CYBC1: variants seen among roughly 807,000 people sequenced by gnomAD.
The protein encoded by CYBC1 is essential for reactive oxygen species protein.
A neutral mutation model predicts 21.7 loss-of-function variants in CYBC1; 22 were observed. The observed-to-expected ratio is 1.02, with a 90% CI of 0.73 to 1.45. The LOEUF is 1.45. Among genes scored for constraint, CYBC1 ranks in the 40% most tolerant of loss-of-function variants. CYBC1 has a pLI of 0.00. For missense variants in CYBC1, 237 were observed against 242.1 expected (o/e 0.98, Z 0.14); for synonymous variants, 112 against 98.7 (o/e 1.13, Z -0.80).
At position 82,444,544 on chromosome 17, in the gene CYBC1, T is replaced by C. The variant is rs2054165515; in HGVS notation, c.346A>G (p.Lys116Glu). The stretch of plus-strand genomic sequence containing the variant: ...TAGCCTTTCCCGAAGTACCGGACCT[T>C]CTCCTCCTCCACGCTCACATCACGG... The part of the protein sequence containing the change: ...DVRDVSVEEE[K>E]VRYFGKGYMV... Residue 116 changes from lysine (K) to glutamate (E), a missense_variant, in exon 6 of 7, where the codon AAG becomes GAG. Physicochemically the swap from Lys to Glu is moderately conservative, Grantham distance 56. Transcript: ENST00000306645. 1 of 1,613,392 alleles carries C rather than the reference T, an allele frequency of 6.2e-7. No homozygotes were observed. Among genetic ancestry groups the C allele is most frequent in the African/African-American group, 1.3e-5 (1 of 75,000 alleles).
chr17:82,442,614 C>G lies in CYBC1; in HGVS notation c.*1390G>C, dbSNP rs1346589517. 3 of 1,545,398 alleles carry G rather than the reference C, an allele frequency of 1.9e-6. No individual in the cohort carries two copies. In the Admixed American group the frequency reaches 5.7e-5, roughly 29 times the overall value. On this transcript the variant is annotated 3_prime_UTR_variant, in exon 7 of 7. Coordinates refer to ENST00000306645, the MANE Select transcript of CYBC1 (RefSeq NM_001033046.4). The surrounding 1 kb of genome is among the most constrained non-coding windows in gnomAD (Gnocchi z 6.8). ...GTGATCTGCATGTGTGACACTGATT[C>G]TTTGGAAATAAAGAGTGGAAGCTGC...
intron 2 of CYBC1, chr17:82,448,069 C>T (rs1189242642): frequency 4.1e-6 from 1 of 245,524 alleles, no homozygotes; most frequent in Non-Finnish European, 8.0e-6. Flanking sequence ...AAAGAAATTA[C>T]AACACAGCGT....
intron 3 of CYBC1, chr17:82,447,092 G>A (rs371149578): frequency 6.4e-6 from 2 of 313,062 alleles, no homozygotes; most frequent in South Asian, 6.6e-5. Flanking sequence ...AGTGGCTCAC[G>A]CCTGTAATCC....
intron 3 of CYBC1, 189 bp downstream of exon 3, chr17:82,447,391 C>T (rs2054370372): frequency 4.8e-6 from 3 of 625,466 alleles, no homozygotes. Flanking sequence ...GGGCTGAGCG[C>T]TGGGCAGGAT....
intron 2 of CYBC1, 79 bp from the exon 3 acceptor site, chr17:82,447,700 A>G (rs530934713): frequency 1.5e-6 from 2 of 1,294,546 alleles, no homozygotes; most frequent in Admixed American, 2.0e-5. Flanking sequence ...CAGGAGCCAC[A>G]GCCCCTGATG....
In CYBC1 at chr17:82,442,966, G is replaced by A. The variant is rs2054056299; in HGVS notation, c.*1038C>T. ...AGGATGGTTGGCGTTCAGCTCCTAC[G>A]GGGTGGGGAGAAGTCTGTAGCCGAG... On this transcript the variant is annotated 3_prime_UTR_variant, in exon 7 of 7. Coordinates refer to ENST00000306645, the MANE Select transcript of CYBC1 (RefSeq NM_001033046.4). This position sits in a 1 kb window ranked among gnomAD's most constrained non-coding sequence, Gnocchi z 6.8. The A allele has an allele frequency of 4.6e-6, 1 of 216,608 alleles. No individual in the cohort carries two copies. The highest frequency in any genetic ancestry group is 5.1e-5 in the Admixed American group (1 of 19,590). The allele number at this position is 216,608 out of a possible 1,614,324, so 13.4% of individuals were successfully genotyped here. A position where few individuals can be genotyped will look rare whatever the true frequency, so the allele number is the denominator to read the frequency against.
rs1397908148 is a variant in CYBC1 at position 82,442,642 on chromosome 17, G to GT, written c.*1361dup. The stretch of plus-strand genomic sequence containing the variant: ...TGGAAATAAAGAGTGGAAGCTGCAG[G>GT]TGACACGTGAAGGGTTATTTATGGT... On this transcript the variant is annotated 3_prime_UTR_variant, in exon 7 of 7. Transcript: ENST00000306645. This position sits in a 1 kb window ranked among gnomAD's most constrained non-coding sequence, Gnocchi z 6.8. 11 of 1,503,764 alleles carry GT rather than the reference G, an allele frequency of 7.3e-6. No homozygotes were observed. 93.2% of individuals were successfully genotyped at this position (1,503,764 alleles called of 1,614,324 possible). A position where few individuals can be genotyped will look rare whatever the true frequency, so the allele number is the denominator to read the frequency against.
chr17:82,449,914 C>G (rs1400099243), intron 1 of CYBC1: 1 of 152,282 alleles, frequency 6.6e-6, no homozygotes, highest in Admixed American at 6.5e-5. Flanking sequence ...GCTCCCAACA[C>G]TGGCCCCAGG....
At chr17:82,449,541 G>A (rs73999904) in intron 1 of CYBC1, 4,236 of 374,708 alleles carry the variant, frequency 0.011, 165 homozygotes, top group African/African-American at 0.082. Flanking sequence ...GCTGTTTCCC[G>A]CTCAGACTCA....
At position 82,443,973 on chromosome 17, in the gene CYBC1, G is replaced by A. The variant is rs1277302624; in HGVS notation, c.*31C>T. The A allele has an allele frequency of 1.2e-6, 2 of 1,608,600 alleles. No individual in the cohort carries two copies. The highest frequency in any genetic ancestry group is 1.7e-6 in the Non-Finnish European group (2 of 1,179,972). On this transcript the variant is annotated 3_prime_UTR_variant, in exon 7 of 7. Coordinates refer to ENST00000306645, the MANE Select transcript of CYBC1 (RefSeq NM_001033046.4). This position sits in a 1 kb window ranked among gnomAD's most constrained non-coding sequence, Gnocchi z 6.7. ...CGGGAATGTGCCATGGGTCCTGTGGGCGGTGCACGGGCTCAGGCACAGTGG... is the reference window on the plus strand; with the variant it reads ...CGGGAATGTGCCATGGGTCCTGTGGACGGTGCACGGGCTCAGGCACAGTGG...
chr17:82,442,942 G>A lies in CYBC1; in HGVS notation c.*1062C>T, dbSNP rs1046026489. 1.3e-5 allele frequency: 3 copies of A among 238,058 alleles called. No individual in the cohort carries two copies. Among genetic ancestry groups the A allele is most frequent in the African/African-American group, 2.3e-5 (1 of 44,378 alleles). The allele number at this position is 238,058 out of a possible 1,614,324, so 14.7% of individuals were successfully genotyped here. A position where few individuals can be genotyped will look rare whatever the true frequency, so the allele number is the denominator to read the frequency against. ...GGAGACCAAGAGCACTGGCGGGTCAGGATGGTTGGCGTTCAGCTCCTACGG... is the reference window on the plus strand; with the variant it reads ...GGAGACCAAGAGCACTGGCGGGTCAAGATGGTTGGCGTTCAGCTCCTACGG... On this transcript the variant is annotated 3_prime_UTR_variant, in exon 7 of 7. Transcript: ENST00000306645. The surrounding 1 kb of genome is among the most constrained non-coding windows in gnomAD (Gnocchi z 6.8).
At position 82,443,286 on chromosome 17, in the gene CYBC1, G is replaced by C; in HGVS notation, c.*718C>G. 5.4e-6 allele frequency: 2 copies of C among 370,868 alleles called. No individual in the cohort carries two copies. Among genetic ancestry groups the C allele is most frequent in the Non-Finnish European group, 1.1e-5 (2 of 189,936 alleles). 23.0% of individuals were successfully genotyped at this position (370,868 alleles called of 1,614,324 possible). The stretch of plus-strand genomic sequence containing the variant: ...TTCTGGCCTCACAGCTTATGCTGAA[G>C]CTGAGTGTGAGGAACAGAGAGACCT... On this transcript the variant is annotated 3_prime_UTR_variant, in exon 7 of 7. Coordinates refer to ENST00000306645, the MANE Select transcript of CYBC1 (RefSeq NM_001033046.4). The surrounding 1 kb of genome is among the most constrained non-coding windows in gnomAD (Gnocchi z 6.7).
At position 82,447,583 on chromosome 17, in the gene CYBC1, C is replaced by T. The variant is rs142773924; in HGVS notation, c.124G>A (p.Gly42Arg). Residue 42 changes from glycine to arginine, a missense_variant, in exon 3 of 7, where the codon GGA (glycine) becomes AGA (arginine). By Grantham distance (125) the Gly-to-Arg change is moderately radical. Transcript: ENST00000306645. ...GGTGGGGCGGGGGGTGCTTTACCTC[C>T]GCTGTAGTAGGCAGCAGCCAGGCCA... ...SIGLAAAYYS[G>R]DSLGWKLFYV... 35 of 1,601,186 alleles carry T rather than the reference C, an allele frequency of 2.2e-5. 1 individual carries two copies. The East Asian group carries it at 4.3e-4, about 20-fold the overall frequency.
In CYBC1 at chr17:82,443,512, C is replaced by T. The variant is rs758858949; in HGVS notation, c.*492G>A. 16 of 699,304 alleles carry T rather than the reference C, an allele frequency of 2.3e-5. No homozygotes were observed. Among genetic ancestry groups the T allele is most frequent in the Admixed American group, 8.0e-5 (4 of 49,858 alleles). The allele number at this position is 699,304 out of a possible 1,614,324, so 43.3% of individuals were successfully genotyped here. On this transcript the variant is annotated 3_prime_UTR_variant, in exon 7 of 7. Coordinates refer to ENST00000306645, the MANE Select transcript of CYBC1 (RefSeq NM_001033046.4). This position sits in a 1 kb window ranked among gnomAD's most constrained non-coding sequence, Gnocchi z 6.7. ...GTCCACCAGGGAGAGGACGCTGTGT[C>T]GGGGACAACATGCAGCATCAGCACC...
intron 2 of CYBC1, chr17:82,448,246 A>T: frequency 1.1e-5 from 2 of 187,232 alleles, no homozygotes; most frequent in South Asian, 8.5e-5. Flanking sequence ...ACGGGAGGCT[A>T]AGTGGACTGT....
rs567713173 is a variant in CYBC1 at position 82,447,470 on chromosome 17, G to A, written c.127+110C>T. 1.1e-3 allele frequency: 962 copies of A among 909,888 alleles called. 4 individuals carry two copies. Among genetic ancestry groups the A allele is most frequent in the Non-Finnish European group, 1.4e-3 (816 of 587,374 alleles). 56.4% of individuals were successfully genotyped at this position (909,888 alleles called of 1,614,324 possible). On this transcript the variant is annotated intron_variant, in intron 3 of 6. Transcript: ENST00000306645. Reference sequence around the variant, plus strand: ...CCAGCAATCAAGGGGCAGAGGTGCCGATCCTAAAGGCCGCCCCATGGACAG... The same window carrying A: ...CCAGCAATCAAGGGGCAGAGGTGCCAATCCTAAAGGCCGCCCCATGGACAG...
chr17:82,443,983 G>A lies in CYBC1; in HGVS notation c.*21C>T. 6.2e-7 allele frequency: 1 copy of A among 1,610,654 alleles called. No homozygotes were observed. Among genetic ancestry groups the A allele is most frequent in the Non-Finnish European group, 8.5e-7 (1 of 1,179,976 alleles). Reference sequence around the variant, plus strand: ...CCATGGGTCCTGTGGGCGGTGCACGGGCTCAGGCACAGTGGGGCTGTCAGC... The same window carrying A: ...CCATGGGTCCTGTGGGCGGTGCACGAGCTCAGGCACAGTGGGGCTGTCAGC... On this transcript the variant is annotated 3_prime_UTR_variant, in exon 7 of 7. Transcript: ENST00000306645. The surrounding 1 kb of genome is among the most constrained non-coding windows in gnomAD (Gnocchi z 6.7).
At position 82,446,515 on chromosome 17, in the gene CYBC1, G is replaced by A. The variant is rs112485727; in HGVS notation, c.201+108C>T. ...AAGCAGGGACCAACGCTTCAGGACG[G>A]GGAGGCGCTAGGCCACCCAGGGCCC... On this transcript the variant is annotated intron_variant, in intron 4 of 6. Transcript: ENST00000306645. 48 of 1,028,180 alleles carry A rather than the reference G, an allele frequency of 4.7e-5. No individual in the cohort carries two copies. The African/African-American group carries it at 5.4e-4, about 12-fold the overall frequency. 63.7% of individuals were successfully genotyped at this position (1,028,180 alleles called of 1,614,324 possible). A position where few individuals can be genotyped will look rare whatever the true frequency, so the allele number is the denominator to read the frequency against.
intron 1 of CYBC1, chr17:82,450,287 A>C (rs1404437618): frequency 6.6e-6 from 1 of 152,172 alleles, no homozygotes; most frequent in Non-Finnish European, 1.5e-5. Context: ...GTCTCAAAAA[A>C]ATAAAAAATA....
Sources: gnomAD v4.1 joint callset for allele counts on GRCh38, gnomAD v4.1.1 for gene constraint, Gnocchi (gnomAD v3.1) non-coding constraint, MANE v1.5 for transcripts, NCBI Gene and HGNC (gene_info 2026-07-23, HGNC 2026-07-21) for gene names.